Variants in ADCY8 observed in about 807,000 individuals in gnomAD.
The protein encoded by ADCY8 is adenylate cyclase 8.
A neutral mutation model predicts 119.7 loss-of-function variants in ADCY8; 51 were observed. That is an observed-to-expected ratio of 0.43 (90% CI 0.34 to 0.54). The LOEUF (loss-of-function observed/expected upper bound fraction) is 0.54. ADCY8 is among the 20% of genes least tolerant of loss of function. The pLI, the probability that ADCY8 is intolerant of heterozygous loss-of-function variation, is 0.03. For synonymous variants in ADCY8, 665 were observed against 651.0 expected (o/e 1.02, Z -0.33); for missense variants, 1,383 against 1,598.8 (o/e 0.87, Z 2.30).
chr8:130,847,941 CTGGGGTGA>C (rs1817383958), intron 10 of ADCY8, among the ~76,000 whole-genome samples: 1 of 152,264 alleles, frequency 6.6e-6, no homozygotes, highest in Middle Eastern at 3.4e-3. Context: ...ACTCTTAGCA[CTGGGGTGA>C]TGGGCATTTC....
intron 15 of ADCY8, among the ~76,000 whole-genome samples, chr8:130,797,334 A>T (rs562396740): frequency 6.6e-6 from 1 of 152,328 alleles, no homozygotes; most frequent in South Asian, 2.1e-4. Flanking sequence ...AAGCCAAAAC[A>T]CTGGACACCC....
At chr8:131,034,486 A>G (rs1207150074) in intron 1 of ADCY8, among the ~76,000 whole-genome samples, 1 of 152,108 alleles carries the variant, frequency 6.6e-6, no homozygotes, top group Non-Finnish European at 1.5e-5. Flanking sequence ...GGATTTCTTA[A>G]AGGCCAAATG....
At chr8:130,925,875 C>G (rs529766882) in intron 5 of ADCY8, among the ~76,000 whole-genome samples, 12 of 152,268 alleles carry the variant, frequency 7.9e-5, no homozygotes, top group Admixed American at 7.2e-4. Context: ...CTTCTCTCCC[C>G]TGGATTAGTA....
intron 5 of ADCY8, among the ~76,000 whole-genome samples, chr8:130,930,135 G>A (rs2130607340): frequency 6.6e-6 from 1 of 152,258 alleles, no homozygotes; most frequent in Non-Finnish European, 1.5e-5. Flanking sequence ...ATTACATGTA[G>A]AGACTTGTTA....
intron 14 of ADCY8, among the ~76,000 whole-genome samples, chr8:130,812,764 G>T (rs1031913635): frequency 1.3e-5 from 2 of 151,942 alleles, no homozygotes; most frequent in African/African-American, 2.4e-5. Flanking sequence ...CTAGGCAATG[G>T]GCTAAGAAGA....
At chr8:131,035,982 T>A (rs1824140431) in intron 1 of ADCY8, among the ~76,000 whole-genome samples, 1 of 152,186 alleles carries the variant, frequency 6.6e-6, no homozygotes, top group African/African-American at 2.4e-5. Flanking sequence ...TTTGGCTTCT[T>A]CGTTAAATGT....
chr8:131,001,441 T>C (rs563710517), intron 1 of ADCY8, among the ~76,000 whole-genome samples: 1 of 151,982 alleles, frequency 6.6e-6, no homozygotes, highest in Non-Finnish European at 1.5e-5. Context: ...AGTCACTTTA[T>C]GTCTCGATGA....
intron 15 of ADCY8, among the ~76,000 whole-genome samples, chr8:130,794,874 A>G (rs566704312): frequency 1.3e-5 from 2 of 152,244 alleles, no homozygotes; most frequent in Non-Finnish European, 2.9e-5. Flanking sequence ...TTAAGGACAT[A>G]GAGTGAGAAA....
intron 17 of ADCY8, 24 bp downstream of exon 17, chr8:130,783,667 G>GCC (rs774419260): frequency 4.5e-6 from 7 of 1,568,626 alleles, no homozygotes; most frequent in Middle Eastern, 1.7e-4. Context: ...GCTCTATCAG[G>GCC]CCCCACCTGC....
At chr8:131,031,781 A>T (rs946803734) in intron 1 of ADCY8, among the ~76,000 whole-genome samples, 2 of 151,554 alleles carry the variant, frequency 1.3e-5, no homozygotes, top group Admixed American at 6.6e-5. Flanking sequence ...TAAATTTCTG[A>T]TTTTTTTTTA....
At chr8:130,915,054 C>T (rs1253479521) in intron 5 of ADCY8, among the ~76,000 whole-genome samples, 1 of 152,216 alleles carries the variant, frequency 6.6e-6, no homozygotes, top group Non-Finnish European at 1.5e-5. Flanking sequence ...AAACCTCCTC[C>T]TTTCAAACAG....
At position 130,958,696 on chromosome 8, in the gene ADCY8, C is replaced by T. The variant is rs185596643; in HGVS notation, c.1111-6698G>A. ...CAGGAGAACAGTATGGGGGAAACTGCCCCTATGATTTAGTTATTTCCACCT... is the reference window on the plus strand; with the variant it reads ...CAGGAGAACAGTATGGGGGAAACTGTCCCTATGATTTAGTTATTTCCACCT... On this transcript the variant is annotated intron_variant, in intron 2 of 17. Coordinates refer to ENST00000286355, the MANE Select transcript of ADCY8 (RefSeq NM_001115.3). Among the ~76,000 whole-genome samples, 82 of 152,238 alleles carry T rather than the reference C, an allele frequency of 5.4e-4. 2 individuals are homozygous for T. The Middle Eastern group carries it at 0.017, about 32-fold the overall frequency.
At position 130,868,451 on chromosome 8, in the gene ADCY8, G is replaced by T. The variant is rs149461238; in HGVS notation, c.2110-505C>A. 3.7e-4 allele frequency among the ~76,000 whole-genome samples: 56 copies of T among 152,252 alleles called. No individual in the cohort carries two copies. The East Asian group carries it at 8.9e-3, about 24-fold the overall frequency. On this transcript the variant is annotated intron_variant, in intron 8 of 17. Transcript: ENST00000286355. ...AGTGTAGCCTTTTCATTTCACAGAA[G>T]AGAAACCAAGACTAATAGACCAATA...
chr8:130,988,027 G>A (rs1354266221), intron 2 of ADCY8, among the ~76,000 whole-genome samples: 1 of 152,212 alleles, frequency 6.6e-6, no homozygotes, highest in Non-Finnish European at 1.5e-5. Context: ...CCATTAAGGA[G>A]ACTTTTCAGG....
At position 130,821,326 on chromosome 8, in the gene ADCY8, C is replaced by T. The variant is rs369816294; in HGVS notation, c.2754+16G>A. On this transcript the variant is annotated intron_variant, in intron 13 of 17. Coordinates refer to ENST00000286355, the MANE Select transcript of ADCY8 (RefSeq NM_001115.3). ...ATGTCAGGTAACAGAGCAGTCAGAG[C>T]GAAATGTTAGATTACCTGCTGTCCA... 1.5e-5 allele frequency: 24 copies of T among 1,609,192 alleles called. No individual in the cohort carries two copies. The highest frequency in any genetic ancestry group is 8.9e-5 in the East Asian group (4 of 44,812).
intron 8 of ADCY8, among the ~76,000 whole-genome samples, chr8:130,884,252 A>T (rs1361025420): frequency 6.6e-6 from 1 of 152,196 alleles, no homozygotes; most frequent in African/African-American, 2.4e-5. Context: ...AGTGGCTGTT[A>T]ATGCCACTTG....
At chr8:131,001,617 TTA>T (rs1365953492) in intron 1 of ADCY8, among the ~76,000 whole-genome samples, 1 of 148,274 alleles carries the variant, frequency 6.7e-6, no homozygotes, top group African/African-American at 2.5e-5. Flanking sequence ...TACAAATATT[TTA>T]TATATATACA....
rs140697069 is a variant in ADCY8, at chr8:130,949,836, G to C, written c.1241+2032C>G. Reference sequence around the variant, plus strand: ...CTATTGTCTTAGAACTAGTATTGAAGAGTTCTTATTATGTGTGGGACCAAT... The same window carrying C: ...CTATTGTCTTAGAACTAGTATTGAACAGTTCTTATTATGTGTGGGACCAAT... On this transcript the variant is annotated intron_variant, in intron 3 of 17. Transcript: ENST00000286355. Among the ~76,000 whole-genome samples the C allele has an allele frequency of 4.7e-4, 72 of 152,252 alleles. No homozygotes were observed. In the East Asian group the frequency reaches 0.011, roughly 23 times the overall value.
intron 12 of ADCY8, among the ~76,000 whole-genome samples, chr8:130,828,129 G>A (rs1465589515): frequency 6.6e-6 from 1 of 152,160 alleles, no homozygotes. Context: ...GCCTGATGGG[G>A]TGTTGGCAAC....
Sources: allele counts gnomAD v4.1 joint callset (sites outside exome capture counted in the v4.1 genomes callset), GRCh38; gene constraint gnomAD v4.1.1; transcripts MANE v1.5; gene names NCBI Gene and HGNC (gene_info 2026-07-23, HGNC 2026-07-21).